The following UHRF2 variants were observed in gnomAD, a reference collection of about 807,000 sequenced individuals.
UHRF2 encodes the protein E3 ubiquitin-protein ligase UHRF2.
A neutral mutation model predicts 96.8 loss-of-function variants in UHRF2; 23 were observed. The ratio of observed to expected loss-of-function variants is 0.24; its 90% CI spans 0.17 to 0.34. The LOEUF is 0.34. UHRF2 is among the 10% of genes least tolerant of loss of function. The pLI is 1.00. For missense variants in UHRF2, 685 were observed against 981.5 expected (o/e 0.70, Z 4.04); for synonymous variants, 385 against 332.6 (o/e 1.16, Z -1.72).
chr9:6,479,710 C>T (rs200738549), intron 6 of UHRF2, among the ~76,000 whole-genome samples: 1 of 152,124 alleles, frequency 6.6e-6, no homozygotes, highest in Non-Finnish European at 1.5e-5. Flanking sequence ...AATCCTGCTC[C>T]TCCCCCAGTC....
rs201338584 is a variant in UHRF2 at position 6,446,440 on chromosome 9, G to T, written c.644+12267G>T. ...TTACAGGCGTGAGCCACCATGCCTG[G>T]CCTAATTTTTTTTAATTTTTAGTAG... On this transcript the variant is annotated intron_variant, in intron 3 of 15. Coordinates refer to ENST00000276893, the MANE Select transcript of UHRF2 (RefSeq NM_152896.3). 3.5e-4 allele frequency among the ~76,000 whole-genome samples: 50 copies of T among 143,432 alleles called. No homozygotes were observed. In the East Asian group the frequency reaches 0.01, roughly 29 times the overall value. 94.1% of individuals were successfully genotyped at this position (143,432 alleles called of 152,430 possible).
intron 3 of UHRF2, among the ~76,000 whole-genome samples, chr9:6,438,436 A>G (rs1820978189): frequency 6.6e-6 from 1 of 152,250 alleles, no homozygotes; most frequent in South Asian, 2.1e-4. Context: ...TTAACTAAAT[A>G]GGCTTTAAGT....
intron 9 of UHRF2, 85 bp downstream of exon 9, chr9:6,487,010 C>T (rs1388206428): frequency 1.6e-6 from 2 of 1,245,916 alleles, no homozygotes; most frequent in East Asian, 2.5e-5. Context: ...ACATCAAATA[C>T]TGTTGTGTCT....
chr9:6,480,965 G>A (rs1587855535), intron 6 of UHRF2, among the ~76,000 whole-genome samples: 1 of 152,198 alleles, frequency 6.6e-6, no homozygotes, highest in African/African-American at 2.4e-5. Context: ...TAATTGGGCA[G>A]TAGCCATTAG....
intron 1 of UHRF2, among the ~76,000 whole-genome samples, chr9:6,417,910 A>G (rs962370509): frequency 6.6e-6 from 1 of 152,082 alleles, no homozygotes; most frequent in African/African-American, 2.4e-5. Context: ...CGTCACTCTG[A>G]CTCTGGTCCC....
chr9:6,500,838 A>G lies in UHRF2; in HGVS notation c.2163+129A>G, dbSNP rs1816254037. On this transcript the variant is annotated intron_variant, in intron 14 of 15. Coordinates refer to ENST00000276893, the MANE Select transcript of UHRF2 (RefSeq NM_152896.3). ...CTACCCGGTTTTCTAATCCAGTGCC[A>G]CTACCTTTCAGAAATAATCTGAGGC... is the stretch of plus-strand genomic sequence containing the variant. 4 of 807,398 alleles carry G rather than the reference A, an allele frequency of 5.0e-6. No individual in the cohort carries two copies. In the South Asian group the frequency reaches 8.6e-5, roughly 17 times the overall value. 50.0% of individuals were successfully genotyped at this position (807,398 alleles called of 1,614,324 possible). A position where few individuals can be genotyped will look rare whatever the true frequency, so the allele number is the denominator to read the frequency against.
intron 2 of UHRF2, among the ~76,000 whole-genome samples, chr9:6,431,596 T>TA (rs1031141771): frequency 2.0e-5 from 3 of 152,276 alleles, no homozygotes; most frequent in East Asian, 1.9e-4. Context: ...AAAAAATTCT[T>TA]ACGTCCAGTT....
intron 3 of UHRF2, among the ~76,000 whole-genome samples, chr9:6,457,156 ATTTG>A (rs1483477156): frequency 6.6e-6 from 1 of 152,088 alleles, no homozygotes; most frequent in Non-Finnish European, 1.5e-5. Context: ...ATGTTGTTCC[ATTTG>A]TTTGTGTCCT....
intron 2 of UHRF2, among the ~76,000 whole-genome samples, chr9:6,423,822 G>C (rs918451231): frequency 6.6e-6 from 1 of 151,996 alleles, no homozygotes; most frequent in African/African-American, 2.4e-5. Context: ...GCAGGTGCCT[G>C]TAATCCCAGC....
chr9:6,478,534 C>A (rs531192325), intron 6 of UHRF2, among the ~76,000 whole-genome samples: 1 of 152,126 alleles, frequency 6.6e-6, no homozygotes, highest in Non-Finnish European at 1.5e-5. Context: ...TCTCCTATGG[C>A]GTGGTGATAA....
intron 3 of UHRF2, among the ~76,000 whole-genome samples, chr9:6,445,336 C>T (rs891375976): frequency 6.6e-6 from 1 of 151,456 alleles, no homozygotes; most frequent in Admixed American, 6.6e-5. Flanking sequence ...TCATGTTGAC[C>T]CACTGCAACC....
intron 4 of UHRF2, among the ~76,000 whole-genome samples, chr9:6,466,275 C>T (rs978123037): frequency 6.6e-6 from 1 of 151,900 alleles, no homozygotes; most frequent in Admixed American, 6.6e-5. Flanking sequence ...TGGTGGCTCA[C>T]GCCTGTAATC....
At chr9:6,432,831 C>A (rs1820629921) in intron 2 of UHRF2, among the ~76,000 whole-genome samples, 1 of 151,580 alleles carries the variant, frequency 6.6e-6, no homozygotes, top group East Asian at 1.9e-4. Context: ...CCTAAAAGGG[C>A]TCTGGCCATT....
chr9:6,447,430 G>T (rs886381183), intron 3 of UHRF2, among the ~76,000 whole-genome samples: 3 of 152,110 alleles, frequency 2.0e-5, no homozygotes, highest in African/African-American at 7.2e-5. Flanking sequence ...ATGGAAATAT[G>T]CATACCTAGC....
intron 9 of UHRF2, chr9:6,492,832 C>CTTTTTTT (rs34371545): frequency 6.4e-4 from 57 of 89,442 alleles, no homozygotes; most frequent in East Asian, 7.3e-4. Context: ...GAGCTTTTGG[C>CTTTTTTT]TTTTTTTTTT....
intron 1 of UHRF2, among the ~76,000 whole-genome samples, chr9:6,414,435 G>A (rs995421761): frequency 1.3e-5 from 2 of 152,212 alleles, no homozygotes; most frequent in African/African-American, 4.8e-5. Context: ...GCATAGCACT[G>A]CAGCATAGCC....
At chr9:6,491,054 G>A (rs1195855862) in intron 9 of UHRF2, among the ~76,000 whole-genome samples, 1 of 152,200 alleles carries the variant, frequency 6.6e-6, no homozygotes, top group South Asian at 2.1e-4. Flanking sequence ...CGTACCTGCT[G>A]ATAACTGAGT....
chr9:6,478,051 A>T (rs1823692444), intron 6 of UHRF2, among the ~76,000 whole-genome samples: 1 of 152,206 alleles, frequency 6.6e-6, no homozygotes, highest in African/African-American at 2.4e-5. Context: ...TCATTCAAAA[A>T]TGCAAATCTG....
chr9:6,497,470 A>G lies in UHRF2; in HGVS notation c.1767+110A>G, dbSNP rs988605786. ...CTCGAGGAAACAGTAGCCATCTTATATTGCTACTTTTTCTGGAAATTGAAC... is the reference window on the plus strand; with the variant it reads ...CTCGAGGAAACAGTAGCCATCTTATGTTGCTACTTTTTCTGGAAATTGAAC... On this transcript the variant is annotated intron_variant, in intron 11 of 15. Transcript: ENST00000276893. 8 of 1,210,504 alleles carry G rather than the reference A, an allele frequency of 6.6e-6. No individual in the cohort carries two copies. The East Asian group carries it at 1.4e-4, about 22-fold the overall frequency. The allele number at this position is 1,210,504 out of a possible 1,614,324, so 75.0% of individuals were successfully genotyped here. A position where few individuals can be genotyped will look rare whatever the true frequency, so the allele number is the denominator to read the frequency against.
Sources: gnomAD v4.1 joint callset for allele counts (sites outside exome capture counted in the v4.1 genomes callset) on GRCh38, gnomAD v4.1.1 for gene constraint, MANE v1.5 for transcripts, NCBI Gene and HGNC (gene_info 2026-07-23, HGNC 2026-07-21) for gene names.